The following AUTS2 variants were observed in gnomAD, a reference collection of about 807,000 sequenced individuals.
The protein encoded by AUTS2 is activator of transcription and developmental regulator AUTS2.
In AUTS2, 17 loss-of-function variants were observed where a neutral mutation model predicts 112.4. That is an observed-to-expected ratio of 0.15 (90% CI 0.10 to 0.23). The LOEUF (loss-of-function observed/expected upper bound fraction) is 0.23. Among genes scored for constraint, AUTS2 ranks in the 10% least tolerant of loss-of-function variants. The pLI, the probability that AUTS2 is intolerant of heterozygous loss-of-function variation, is 1.00. For synonymous variants in AUTS2, 751 were observed against 702.7 expected (o/e 1.07, Z -1.09); for missense variants, 1,510 against 1,701.6 (o/e 0.89, Z 1.98).
intron 1 of AUTS2, among the ~76,000 whole-genome samples, chr7:69,677,369 C>T (rs1796608455): frequency 6.6e-6 from 1 of 152,142 alleles, no homozygotes; most frequent in African/African-American, 2.4e-5. Context: ...TGCTGAATAT[C>T]TTTTATTGTG....
At chr7:69,910,568 G>A (rs545342947) in intron 2 of AUTS2, among the ~76,000 whole-genome samples, 7 of 152,314 alleles carry the variant, frequency 4.6e-5, no homozygotes, top group African/African-American at 1.2e-4. Context: ...CACATCTTAC[G>A]TGGATGGTGG....
chr7:70,291,801 G>A (rs367944503), intron 4 of AUTS2: 1 of 152,154 alleles, frequency 6.6e-6, no homozygotes, highest in East Asian at 1.9e-4. Flanking sequence ...GTAAGCTTGA[G>A]AAATAAGACA....
intron 1 of AUTS2, among the ~76,000 whole-genome samples, chr7:69,678,749 C>A (rs963393461): frequency 6.6e-5 from 10 of 152,224 alleles, no homozygotes; most frequent in African/African-American, 2.2e-4. Flanking sequence ...GAGAAAGACA[C>A]GGCGTGAGCC....
intron 4 of AUTS2, among the ~76,000 whole-genome samples, chr7:70,164,538 T>A (rs776373663): frequency 9.9e-5 from 15 of 152,088 alleles, no homozygotes; most frequent in African/African-American, 1.4e-4. Flanking sequence ...GATTAAAAAA[T>A]TTTTTTGATG....
chr7:70,104,531 A>C (rs1039044944), intron 2 of AUTS2, among the ~76,000 whole-genome samples: 2 of 152,222 alleles, frequency 1.3e-5, no homozygotes, highest in African/African-American at 4.8e-5. Flanking sequence ...GCAGATGCAT[A>C]TACTGGTAGT....
chr7:70,504,664 A>G (rs576888651), intron 5 of AUTS2, among the ~76,000 whole-genome samples: 40 of 152,266 alleles, frequency 2.6e-4, no homozygotes, highest in African/African-American at 9.4e-4. Flanking sequence ...ACAAACATCT[A>G]ATGTTTTCCT....
At chr7:70,787,811 C>A (rs551297696) in intron 18 of AUTS2, among the ~76,000 whole-genome samples, 25 of 152,306 alleles carry the variant, frequency 1.6e-4, no homozygotes, top group Admixed American at 1.2e-3. Context: ...ATTTAACCAT[C>A]CATAGGTTTT....
intron 4 of AUTS2, 24 bp from the exon 5 acceptor site, chr7:70,435,728 T>G: frequency 6.2e-7 from 1 of 1,613,782 alleles, no homozygotes; most frequent in Non-Finnish European, 8.5e-7. Context: ...GCACTAACCC[T>G]TATTCTCTTG....
intron 1 of AUTS2, among the ~76,000 whole-genome samples, chr7:69,660,130 C>T (rs978788588): frequency 6.6e-6 from 1 of 152,200 alleles, no homozygotes; most frequent in Non-Finnish European, 1.5e-5. Flanking sequence ...GCATTCCAGG[C>T]TTAGAGGCTC....
In AUTS2 at chr7:70,736,790, G is replaced by A. The variant is rs186367627; in HGVS notation, c.743-26080G>A. Among the ~76,000 whole-genome samples, 33 of 152,284 alleles carry A rather than the reference G, an allele frequency of 2.2e-4. No homozygotes were observed. In the East Asian group the frequency reaches 6.4e-3, roughly 29 times the overall value. Reference sequence around the variant, plus strand: ...TTTTGTTTTCTGTTTCATACACTTAGGAAAGTATTGTTGCCACAAAGTGCA... The same window carrying A: ...TTTTGTTTTCTGTTTCATACACTTAAGAAAGTATTGTTGCCACAAAGTGCA... On this transcript the variant is annotated intron_variant, in intron 6 of 18. Transcript: ENST00000342771.
intron 1 of AUTS2, among the ~76,000 whole-genome samples, chr7:69,846,098 A>AT (rs35234562): frequency 0.35 from 51,095 of 147,060 alleles, 8,956 homozygotes; most frequent in African/African-American, 0.44. Context: ...TTTATTTGGG[A>AT]TTTTTTTTTT....
At chr7:70,641,918 A>G (rs112786414) in intron 5 of AUTS2, among the ~76,000 whole-genome samples, 59 of 152,338 alleles carry the variant, frequency 3.9e-4, no homozygotes, top group African/African-American at 1.3e-3. Flanking sequence ...AATATTCTAT[A>G]GTGCACATTC....
intron 11 of AUTS2, among the ~76,000 whole-genome samples, chr7:70,772,458 A>G (rs1785482112): frequency 6.6e-6 from 1 of 152,244 alleles, no homozygotes; most frequent in Non-Finnish European, 1.5e-5. Context: ...AAATAAAAAG[A>G]GCCGTACTTT....
intron 5 of AUTS2, among the ~76,000 whole-genome samples, chr7:70,550,134 A>T (rs891215749): frequency 1.3e-5 from 2 of 152,166 alleles, no homozygotes; most frequent in Non-Finnish European, 2.9e-5. Context: ...CTACAGGGAC[A>T]AATCTTATGC....
Position 69,599,149 on chromosome 7 carries a change from C to T in AUTS2, c.-505C>T, listed in dbSNP as rs1450737612. On this transcript the variant is annotated 5_prime_UTR_variant, in exon 1 of 19. Transcript: ENST00000342771. This position sits in a 1 kb window ranked among gnomAD's most constrained non-coding sequence, Gnocchi z 7.0. ...TCATTGCCCCCACTTTTCCCGCGAC[C>T]TTTTTCGGACCCGATTTTGGATCGA... The T allele has an allele frequency of 6.8e-6, 1 of 146,102 alleles. No homozygotes were observed. The highest frequency in any genetic ancestry group is 2.5e-5 in the African/African-American group (1 of 39,734). 9.1% of individuals were successfully genotyped at this position (146,102 alleles called of 1,614,324 possible).
intron 17 of AUTS2, chr7:70,786,973 T>A (rs1791538627): frequency 3.3e-6 from 2 of 606,608 alleles, no homozygotes; most frequent in East Asian, 5.8e-5. Context: ...TAACTTCCCC[T>A]GTCCCCACCT....
At chr7:69,934,360 C>A (rs986548223) in intron 2 of AUTS2, among the ~76,000 whole-genome samples, 2 of 152,152 alleles carry the variant, frequency 1.3e-5, no homozygotes, top group Non-Finnish European at 2.9e-5. Context: ...AGACTCTGAA[C>A]CCAAAGACTG....
intron 1 of AUTS2, among the ~76,000 whole-genome samples, chr7:69,710,573 A>G (rs1798270813): frequency 6.6e-6 from 1 of 152,222 alleles, no homozygotes; most frequent in Admixed American, 6.5e-5. Context: ...AAGTTAGAGA[A>G]TGTGACTCGT....
chr7:70,513,368 A>G (rs1401784055), intron 5 of AUTS2, among the ~76,000 whole-genome samples: 10 of 152,230 alleles, frequency 6.6e-5, no homozygotes, highest in Non-Finnish European at 1.5e-4. Flanking sequence ...CACAGCCTCC[A>G]TAAGTGGTAC....
Sources: gnomAD v4.1 joint callset for allele counts (sites outside exome capture counted in the v4.1 genomes callset) on GRCh38, gnomAD v4.1.1 for gene constraint, Gnocchi (gnomAD v3.1) non-coding constraint, MANE v1.5 for transcripts, NCBI Gene and HGNC (gene_info 2026-07-23, HGNC 2026-07-21) for gene names.